The following ETNK1 variants were observed in gnomAD, a reference collection of about 807,000 sequenced individuals.
ETNK1 encodes ethanolamine kinase 1, also known as putative protein product of Nbla10396.
A neutral mutation model predicts 45.1 loss-of-function variants in ETNK1; 8 were observed. That is an observed-to-expected ratio of 0.18 (90% CI 0.10 to 0.32). ETNK1 has a LOEUF of 0.32. ETNK1 is among the 10% of genes least tolerant of loss of function. ETNK1 has a pLI of 1.00. For synonymous variants in ETNK1, 152 were observed against 151.9 expected (o/e 1.00, Z -0.01); for missense variants, 302 against 430.6 (o/e 0.70, Z 2.64).
intron 6 of ETNK1, among the ~76,000 whole-genome samples, chr12:22,676,779 T>C (rs1006985392): frequency 6.6e-6 from 1 of 152,236 alleles, no homozygotes; most frequent in Non-Finnish European, 1.5e-5. Flanking sequence ...ATGAGCTTTT[T>C]TTCATATGTT....
At position 22,627,325 on chromosome 12, in the gene ETNK1, C is replaced by G. The variant is rs1219008978; in HGVS notation, c.156+1739C>G. 2.6e-5 allele frequency among the ~76,000 whole-genome samples: 4 copies of G among 152,158 alleles called. No individual in the cohort carries two copies. The South Asian group carries it at 8.3e-4, about 32-fold the overall frequency. On this transcript the variant is annotated intron_variant, in intron 1 of 7. Transcript: ENST00000266517. ...GTGTTTAAATCTTGGTTTCTTGTAG[C>G]AACTTTTAACCTAAAGACCTTTGGG... is the stretch of plus-strand genomic sequence containing the variant.
chr12:22,643,829 GT>G lies in ETNK1; in HGVS notation c.224del (p.Val75AlafsTer3). 6.2e-7 allele frequency: 1 copy of G among 1,613,314 alleles called. No homozygotes were observed. Among genetic ancestry groups the G allele is most frequent in the Non-Finnish European group, 8.5e-7 (1 of 1,179,408 alleles). ...CGTGGGAAACACCATGGAGGATGTA[GT>G]CCTGGTGAGAATTTATGGCAATAAG... Reference protein sequence around the residue: ...CYVGNTMEDVVLVRIYGNKTE... With the variant: ...CYVGNTMEDVXLVRIYGNKTE... On this transcript the variant is annotated frameshift_variant, in exon 2 of 8. Coordinates refer to ENST00000266517, the MANE Select transcript of ETNK1 (RefSeq NM_018638.5). LOFTEE classifies it high-confidence loss of function.
chr12:22,646,749 C>T (rs984412488), intron 2 of ETNK1, among the ~76,000 whole-genome samples: 9 of 151,754 alleles, frequency 5.9e-5, no homozygotes, highest in East Asian at 3.9e-4. Flanking sequence ...ATGATTATGA[C>T]GAAGGTATCT....
chr12:22,627,435 C>A (rs1423173277), intron 1 of ETNK1, among the ~76,000 whole-genome samples: 2 of 152,086 alleles, frequency 1.3e-5, no homozygotes, highest in East Asian at 3.8e-4. Context: ...GTTAGAAATA[C>A]ATTCCCTCCA....
In ETNK1 at chr12:22,689,341, T is replaced by C. The variant is rs574736107; in HGVS notation, c.*4387T>C. The stretch of plus-strand genomic sequence containing the variant: ...AATTTTCTTTCTCTTCTATACTTTA[T>C]GCACTTACTATACTACTGATGTAAT... On this transcript the variant is annotated 3_prime_UTR_variant, in exon 8 of 8. Transcript: ENST00000266517. 3 of 151,986 alleles carry C rather than the reference T, an allele frequency of 2.0e-5. No individual in the cohort carries two copies. The highest frequency in any genetic ancestry group is 2.1e-4 in the South Asian group (1 of 4,834). The allele number at this position is 151,986 out of a possible 1,614,324, so 9.4% of individuals were successfully genotyped here. A position where few individuals can be genotyped will look rare whatever the true frequency, so the allele number is the denominator to read the frequency against.
intron 5 of ETNK1, among the ~76,000 whole-genome samples, chr12:22,671,687 A>T (rs951818665): frequency 2.6e-5 from 4 of 151,098 alleles, no homozygotes; most frequent in African/African-American, 9.7e-5. Flanking sequence ...AAATACAAAA[A>T]ATTTAGCCGG....
At chr12:22,668,009 C>T (rs998109800) in intron 4 of ETNK1, among the ~76,000 whole-genome samples, 5 of 152,100 alleles carry the variant, frequency 3.3e-5, no homozygotes, top group Non-Finnish European at 5.9e-5. Flanking sequence ...ATCCATTAAT[C>T]ATATACTTTA....
intron 1 of ETNK1, among the ~76,000 whole-genome samples, chr12:22,642,774 C>T (rs1034067075): frequency 2.0e-5 from 3 of 151,886 alleles, no homozygotes; most frequent in African/African-American, 2.4e-5. Flanking sequence ...TTCTTGCTTT[C>T]GCTTTTCTCT....
At chr12:22,657,368 A>G (rs1286818313) in intron 2 of ETNK1, among the ~76,000 whole-genome samples, 1 of 152,210 alleles carries the variant, frequency 6.6e-6, no homozygotes, top group East Asian at 1.9e-4. Context: ...GAGGATGATA[A>G]TTTGACAATT....
chr12:22,649,056 T>C (rs1953842311), intron 2 of ETNK1, among the ~76,000 whole-genome samples: 1 of 152,098 alleles, frequency 6.6e-6, no homozygotes, highest in Admixed American at 6.6e-5. Flanking sequence ...ATTTTTAAAT[T>C]GGGTTGTTTG....
chr12:22,625,594 C>T lies in ETNK1; in HGVS notation c.156+8C>T, dbSNP rs1236578644. 14 of 1,573,734 alleles carry T rather than the reference C, an allele frequency of 8.9e-6. No homozygotes were observed. Among genetic ancestry groups the T allele is most frequent in the Non-Finnish European group, 1.2e-5 (14 of 1,160,890 alleles). On this transcript the variant is annotated splice_region_variant and intron_variant, in intron 1 of 7. Transcript: ENST00000266517. Reference sequence around the variant, plus strand: ...CAGGAGGTGACCCTGCAGGTAACGCCCACACCTCAGCTCTGGGTCTCTTAT... The same window carrying T: ...CAGGAGGTGACCCTGCAGGTAACGCTCACACCTCAGCTCTGGGTCTCTTAT...
intron 2 of ETNK1, among the ~76,000 whole-genome samples, chr12:22,652,798 A>G (rs1050824288): frequency 6.6e-6 from 1 of 151,942 alleles, no homozygotes; most frequent in African/African-American, 2.4e-5. Context: ...TTTCTTTTTC[A>G]GTCTGTTGAT....
At chr12:22,644,435 T>C in intron 2 of ETNK1, 2 of 1,067,042 alleles carry the variant, frequency 1.9e-6, no homozygotes, top group Non-Finnish European at 2.4e-6. Flanking sequence ...CTTTACGTTG[T>C]TCATTATTTA....
chr12:22,646,681 C>G (rs1316444590), intron 2 of ETNK1, among the ~76,000 whole-genome samples: 2 of 151,830 alleles, frequency 1.3e-5, no homozygotes, highest in Non-Finnish European at 3.0e-5. Context: ...CGCTTTAGAT[C>G]AAAGTCCACA....
At chr12:22,684,705 C>A in intron 7 of ETNK1, 149 bp downstream of exon 7, 1 of 746,530 alleles carries the variant, frequency 1.3e-6, no homozygotes, top group African/African-American at 1.8e-5. Flanking sequence ...TTGCTATAAG[C>A]TGTTAAGTGC....
chr12:22,652,147 A>C (rs567485698), intron 2 of ETNK1, among the ~76,000 whole-genome samples: 2 of 152,174 alleles, frequency 1.3e-5, no homozygotes, highest in Non-Finnish European at 1.5e-5. Flanking sequence ...CTTAGCATGA[A>C]CACTTCAAGG....
At chr12:22,646,535 G>T (rs2137538136) in intron 2 of ETNK1, among the ~76,000 whole-genome samples, 1 of 151,870 alleles carries the variant, frequency 6.6e-6, no homozygotes, top group South Asian at 2.1e-4. Context: ...GGGGTTAGTT[G>T]TCACATTTTG....
intron 1 of ETNK1, among the ~76,000 whole-genome samples, chr12:22,636,418 A>C (rs1413683246): frequency 6.6e-6 from 1 of 152,092 alleles, no homozygotes; most frequent in Non-Finnish European, 1.5e-5. Context: ...TTTTTGCTCT[A>C]TATCTTTTGA....
chr12:22,626,633 C>A (rs1175499543), intron 1 of ETNK1, among the ~76,000 whole-genome samples: 1 of 152,132 alleles, frequency 6.6e-6, no homozygotes, highest in Non-Finnish European at 1.5e-5. Context: ...ATGAGCAGTG[C>A]CTAGGGCCCA....
Sources: allele counts gnomAD v4.1 joint callset (sites outside exome capture counted in the v4.1 genomes callset), GRCh38; gene constraint gnomAD v4.1.1; transcripts MANE v1.5; gene names NCBI Gene and HGNC (gene_info 2026-07-23, HGNC 2026-07-21).